The following TYW1 variants were observed in gnomAD, a reference collection of about 807,000 sequenced individuals.
The protein encoded by TYW1 is S-adenosyl-L-methionine-dependent tRNA 4-demethylwyosine synthase TYW1.
Under a neutral mutation model 96.2 loss-of-function variants are expected in TYW1, and 46 were observed. That is an observed-to-expected ratio of 0.48 (90% CI 0.38 to 0.61). The LOEUF (loss-of-function observed/expected upper bound fraction) is 0.61, where lower values mean the gene tolerates loss of function less well. TYW1 is among the 20% of genes least tolerant of loss of function. The pLI is 0.00. For missense variants in TYW1, 684 were observed against 909.6 expected, an observed-to-expected ratio of 0.75 and a Z score of 3.19; for synonymous variants, 274 against 323.0, an observed-to-expected ratio of 0.85 and a Z score of 1.63.
intron 7 of TYW1, among the ~76,000 whole-genome samples, chr7:67,028,489 G>A (rs1051087422): frequency 6.6e-6 from 1 of 152,212 alleles, no homozygotes; most frequent in Admixed American, 6.5e-5. Context: ...GAATTTCTCA[G>A]AAATGGCTCT....
At chr7:67,217,103 G>C (rs1183290943) in intron 15 of TYW1, among the ~76,000 whole-genome samples, 1 of 150,644 alleles carries the variant, frequency 6.6e-6, no homozygotes, top group African/African-American at 2.4e-5. Flanking sequence ...CTTTGGAAAA[G>C]AATTGGGATT....
intron 3 of TYW1, among the ~76,000 whole-genome samples, chr7:67,006,310 A>G (rs1484975023): frequency 2.0e-5 from 3 of 151,976 alleles, no homozygotes; most frequent in Non-Finnish European, 4.4e-5. Flanking sequence ...CCTTCCACCA[A>G]TATTGGAAGC....
chr7:67,072,462 T>G (rs1310539893), intron 10 of TYW1, among the ~76,000 whole-genome samples: 2 of 152,146 alleles, frequency 1.3e-5, no homozygotes, highest in African/African-American at 2.4e-5. Flanking sequence ...TTGGCCAGGC[T>G]GGTCTTGAAC....
intron 7 of TYW1, among the ~76,000 whole-genome samples, chr7:67,033,622 T>G (rs1794737338): frequency 6.6e-6 from 1 of 152,026 alleles, no homozygotes; most frequent in Middle Eastern, 3.2e-3. Flanking sequence ...ACCAACATTC[T>G]CTAGAGAAAT....
intron 4 of TYW1, 188 bp downstream of exon 4, chr7:67,009,872 G>A (rs1276511004): frequency 2.7e-5 from 16 of 589,078 alleles, no homozygotes; most frequent in African/African-American, 1.4e-4. Flanking sequence ...TGATTCTCAC[G>A]TGGTGTGGGG....
intron 7 of TYW1, among the ~76,000 whole-genome samples, chr7:67,046,842 G>A (rs1212212019): frequency 6.6e-6 from 1 of 152,154 alleles, no homozygotes; most frequent in Non-Finnish European, 1.5e-5. Flanking sequence ...TGACTCTGGG[G>A]TTGCAACACT....
At position 67,013,409 on chromosome 7, in the gene TYW1, CA is replaced by C. The variant is rs1251474316; in HGVS notation, c.376-957del. On this transcript the variant is annotated intron_variant, in intron 4 of 15. Transcript: ENST00000359626. Reference sequence around the variant, plus strand: ...AAGTCCTGGGATTACAGGTATGAGCCACTGGGCCCAGCCAACATCCACTGCC... The same window carrying C: ...AAGTCCTGGGATTACAGGTATGAGCCCTGGGCCCAGCCAACATCCACTGCC... Among the ~76,000 whole-genome samples, 10 of 152,266 alleles carry C rather than the reference CA, an allele frequency of 6.6e-5. No homozygotes were observed. In the South Asian group the frequency reaches 1.9e-3, roughly 28 times the overall value.
intron 13 of TYW1, among the ~76,000 whole-genome samples, chr7:67,148,997 C>T (rs111531424): frequency 3.3e-4 from 50 of 152,214 alleles, no homozygotes; most frequent in African/African-American, 1.0e-3. Flanking sequence ...GAAGTCATCG[C>T]GCACCACCCC....
At chr7:67,099,924 C>T (rs1407275459) in intron 12 of TYW1, among the ~76,000 whole-genome samples, 2 of 152,112 alleles carry the variant, frequency 1.3e-5, no homozygotes, top group Admixed American at 6.5e-5. Flanking sequence ...ATCGCTTGAA[C>T]CCGGGAGGCG....
intron 13 of TYW1, among the ~76,000 whole-genome samples, chr7:67,127,819 A>C (rs909051092): frequency 1.3e-5 from 2 of 152,112 alleles, no homozygotes; most frequent in Non-Finnish European, 2.9e-5. Flanking sequence ...ACATTTTCAT[A>C]GGGTGCAGAT....
Position 66,998,047 on chromosome 7 carries a change from G to A in TYW1, c.5-18G>A. The A allele has an allele frequency of 6.4e-7, 1 of 1,571,014 alleles. No homozygotes were observed. Among genetic ancestry groups the A allele is most frequent in the Non-Finnish European group, 8.6e-7 (1 of 1,163,988 alleles). On this transcript the variant is annotated intron_variant, in intron 1 of 15. Coordinates refer to ENST00000359626, the MANE Select transcript of TYW1 (RefSeq NM_018264.4). ...TATGTAGCTTTAAATGAAATTGTGT[G>A]TGTCATTTTAAATTTAGATCCTTCT...
intron 15 of TYW1, among the ~76,000 whole-genome samples, chr7:67,229,359 G>A (rs560382917): frequency 3.6e-4 from 55 of 151,600 alleles, no homozygotes; most frequent in Non-Finnish European, 6.0e-4. Flanking sequence ...CCAACGTAGC[G>A]AAACCCCATT....
rs577830318 is a variant in TYW1, at chr7:67,177,959, G to T, written c.1699-5167G>T. Among the ~76,000 whole-genome samples, 495 of 145,362 alleles carry T rather than the reference G, an allele frequency of 3.4e-3. 3 individuals are homozygous for T. Among genetic ancestry groups the T allele is most frequent in the Middle Eastern group, 7.1e-3 (2 of 280 alleles). ...GCTTGAGCCCAAGAGTTCGAGACCA[G>T]CCTGGGCAACAAAGTGAGAGCCTGT... On this transcript the variant is annotated intron_variant, in intron 13 of 15. Coordinates refer to ENST00000359626, the MANE Select transcript of TYW1 (RefSeq NM_018264.4).
rs542296787 is a variant in TYW1, at chr7:67,178,261, G to A, written c.1699-4865G>A. On this transcript the variant is annotated intron_variant, in intron 13 of 15. Transcript: ENST00000359626. ...TTTTCTAAGAAACCCAAAGTAGAGGGTTAAAATCGTTCACTAGTAGTGTGT... is the reference window on the plus strand; with the variant it reads ...TTTTCTAAGAAACCCAAAGTAGAGGATTAAAATCGTTCACTAGTAGTGTGT... Among the ~76,000 whole-genome samples, 6 of 152,262 alleles carry A rather than the reference G, an allele frequency of 3.9e-5. No individual in the cohort carries two copies. In the South Asian group the frequency reaches 1.2e-3, roughly 32 times the overall value.
chr7:67,189,055 C>T (rs1800118317), intron 14 of TYW1, among the ~76,000 whole-genome samples: 1 of 152,208 alleles, frequency 6.6e-6, no homozygotes, highest in African/African-American at 2.4e-5. Flanking sequence ...TTCTTTTTCT[C>T]ATTTTGCTTG....
chr7:67,129,772 C>T (rs1798007902), intron 13 of TYW1, among the ~76,000 whole-genome samples: 1 of 152,228 alleles, frequency 6.6e-6, no homozygotes, highest in East Asian at 1.9e-4. Context: ...TAATTTTTGT[C>T]TTTGTGAATT....
intron 13 of TYW1, among the ~76,000 whole-genome samples, chr7:67,130,372 A>G (rs1798030738): frequency 7.3e-6 from 1 of 136,794 alleles, no homozygotes; most frequent in South Asian, 2.3e-4. Context: ...CAGAGACTCC[A>G]TCTCAAAAAA....
chr7:67,225,124 G>C (rs936083327), intron 15 of TYW1, among the ~76,000 whole-genome samples: 24 of 148,070 alleles, frequency 1.6e-4, no homozygotes, highest in Non-Finnish European at 3.6e-4. Flanking sequence ...CCAGGAGGCA[G>C]AGGTTGCAGT....
intron 10 of TYW1, among the ~76,000 whole-genome samples, chr7:67,074,831 G>GTT (rs11447281): frequency 6.8e-6 from 1 of 147,320 alleles, no homozygotes. Flanking sequence ...ATGACAGTGG[G>GTT]TTTTTTTTTT....
Sources: gnomAD v4.1 joint callset for allele counts (sites outside exome capture counted in the v4.1 genomes callset) on GRCh38, gnomAD v4.1.1 for gene constraint, MANE v1.5 for transcripts, NCBI Gene and HGNC (gene_info 2026-07-23, HGNC 2026-07-21) for gene names.